Variants in RBFOX3 observed in about 807,000 individuals in gnomAD.
RBFOX3 encodes RNA binding fox-1 homolog 3.
Under a neutral mutation model 48.7 loss-of-function variants are expected in RBFOX3, and 17 were observed. The observed-to-expected ratio is 0.35, with a 90% confidence interval of 0.24 to 0.52. The LOEUF is 0.52. Ranked by LOEUF, RBFOX3 falls within the 20% of genes least tolerant of loss-of-function variation. The pLI is 0.94. For missense variants in RBFOX3, 382 were observed against 497.5 expected (o/e 0.77, Z 2.21); for synonymous variants, 212 against 209.5 (o/e 1.01, Z -0.10).
At chr17:79,536,336 T>C (rs569387435) in intron 1 of RBFOX3, among the ~76,000 whole-genome samples, 1 of 152,354 alleles carries the variant, frequency 6.6e-6, no homozygotes, top group East Asian at 1.9e-4. Flanking sequence ...CCTCCCAAGT[T>C]ACTGGGAATA....
chr17:79,405,482 C>T (rs754202031), intron 2 of RBFOX3, among the ~76,000 whole-genome samples: 1 of 151,956 alleles, frequency 6.6e-6, no homozygotes, highest in Non-Finnish European at 1.5e-5. Context: ...GTGGCTTTAT[C>T]CTGCACTTTG....
intron 3 of RBFOX3, among the ~76,000 whole-genome samples, chr17:79,246,333 G>A (rs11077416): frequency 0.47 from 71,246 of 152,026 alleles, 16,845 homozygotes; most frequent in Middle Eastern, 0.61. Context: ...GAACAGTCCC[G>A]CCCCCGACTG....
upstream of RBFOX3, among the ~76,000 whole-genome samples, chr17:79,611,090 CCTCT>C (rs1215305331): frequency 2.1e-5 from 3 of 142,686 alleles, no homozygotes; most frequent in African/African-American, 7.7e-5. Flanking sequence ...TCCCTCGCCT[CCTCT>C]CTCTCTCTCT....
At chr17:79,517,306 A>G (rs1326925573) in intron 1 of RBFOX3, among the ~76,000 whole-genome samples, 2 of 151,970 alleles carry the variant, frequency 1.3e-5, no homozygotes, top group African/African-American at 2.4e-5. Flanking sequence ...TTAGCCGGGC[A>G]TGGTGGCAGG....
intron 4 of RBFOX3, among the ~76,000 whole-genome samples, chr17:79,228,525 T>G (rs569125815): frequency 1.7e-4 from 26 of 152,316 alleles, no homozygotes; most frequent in South Asian, 4.1e-4. Context: ...AATGTCCTGC[T>G]TCTTTCATGG....
intron 3 of RBFOX3, among the ~76,000 whole-genome samples, chr17:79,290,492 G>A (rs930701287): frequency 1.3e-5 from 2 of 151,948 alleles, no homozygotes; most frequent in Non-Finnish European, 2.9e-5. Context: ...GTGGCTCTTC[G>A]CCTCATGCCT....
intron 2 of RBFOX3, among the ~76,000 whole-genome samples, chr17:79,415,939 C>T (rs1043847909): frequency 3.9e-5 from 6 of 152,096 alleles, no homozygotes; most frequent in Non-Finnish European, 7.4e-5. Flanking sequence ...CCTGCAGACG[C>T]CCCCAGACTC....
At chr17:79,305,137 A>G (rs1037997158) in intron 3 of RBFOX3, among the ~76,000 whole-genome samples, 7 of 150,942 alleles carry the variant, frequency 4.6e-5, no homozygotes, top group Non-Finnish European at 1.0e-4. Flanking sequence ...TCAATCATCA[A>G]CCCCTCCGAT....
intron 2 of RBFOX3, among the ~76,000 whole-genome samples, chr17:79,384,679 G>A (rs1044135193): frequency 2.0e-5 from 3 of 152,306 alleles, no homozygotes; most frequent in African/African-American, 4.8e-5. Context: ...GTCCACAGAC[G>A]GCCAGGGGTG....
chr17:79,346,925 T>C (rs1319640765), intron 2 of RBFOX3, among the ~76,000 whole-genome samples: 1 of 152,256 alleles, frequency 6.6e-6, no homozygotes, highest in African/African-American at 2.4e-5. Context: ...TAACTTGCTA[T>C]ACTCTCCAGT....
the RBFOX3 span, among the ~76,000 whole-genome samples, chr17:79,625,141 G>A: frequency 6.6e-6 from 1 of 151,986 alleles, no homozygotes; most frequent in African/African-American, 2.4e-5. Flanking sequence ...CTGCCCTGAT[G>A]TGCCCTCCTC....
chr17:79,108,984 C>T (rs2146750057), intron 5 of RBFOX3, among the ~76,000 whole-genome samples: 1 of 152,386 alleles, frequency 6.6e-6, no homozygotes, highest in South Asian at 2.1e-4. Context: ...GCACACACCC[C>T]ACAGCGTGGG....
At chr17:79,408,120 G>A (rs1166162786) in intron 2 of RBFOX3, among the ~76,000 whole-genome samples, 2 of 152,182 alleles carry the variant, frequency 1.3e-5, no homozygotes, top group African/African-American at 4.8e-5. Flanking sequence ...TTGCTGGTCT[G>A]TGAAGTGGGG....
chr17:79,492,602 C>T (rs1376666028), intron 1 of RBFOX3, among the ~76,000 whole-genome samples: 4 of 152,210 alleles, frequency 2.6e-5, no homozygotes, highest in Admixed American at 1.3e-4. Flanking sequence ...AACGCAACCT[C>T]GAAGGGACGC....
intron 3 of RBFOX3, among the ~76,000 whole-genome samples, chr17:79,277,464 A>G (rs931700312): frequency 6.6e-6 from 1 of 152,226 alleles, no homozygotes; most frequent in African/African-American, 2.4e-5. Context: ...ATCCAACTTC[A>G]TGACTAATTT....
the RBFOX3 span, among the ~76,000 whole-genome samples, chr17:79,629,087 C>A: frequency 6.6e-6 from 1 of 152,212 alleles, no homozygotes; most frequent in African/African-American, 2.4e-5. Flanking sequence ...CCCACAGGCA[C>A]GAGCAAGATG....
At chr17:79,160,980 C>CAAAAAAAAAAAAA (rs58561038) in intron 4 of RBFOX3, among the ~76,000 whole-genome samples, 1 of 107,286 alleles carries the variant, frequency 9.3e-6, no homozygotes. Context: ...GACTCCATCT[C>CAAAAAAAAAAAAA]AAAAAAAAAA....
the RBFOX3 span, among the ~76,000 whole-genome samples, chr17:79,631,250 A>G: frequency 1.2e-4 from 19 of 152,238 alleles, no homozygotes; most frequent in South Asian, 3.5e-3. Context: ...TCACCACATC[A>G]TCTGCCTCGG....
chr17:79,332,063 C>A (rs1213462800), intron 2 of RBFOX3, among the ~76,000 whole-genome samples: 1 of 152,200 alleles, frequency 6.6e-6, no homozygotes, highest in Non-Finnish European at 1.5e-5. Context: ...AGACCCAGGG[C>A]TCCCGGCAGG....
Sources: gnomAD v4.1 joint callset for allele counts (sites outside exome capture counted in the v4.1 genomes callset) on GRCh38, gnomAD v4.1.1 for gene constraint, MANE v1.5 for transcripts, NCBI Gene and HGNC (gene_info 2026-07-23, HGNC 2026-07-21) for gene names.